Variants in GRAMD2A observed in about 807,000 individuals in gnomAD.
GRAMD2A encodes the protein GRAM domain containing 2A, also known as GRAM domain-containing protein 2A.
GRAMD2A carries 37 observed loss-of-function variants against 51.1 expected under a neutral mutation model. The ratio of observed to expected loss-of-function variants is 0.72; its 90% CI spans 0.56 to 0.95. The LOEUF is 0.95. Ranked by LOEUF, GRAMD2A falls within the 40% of genes least tolerant of loss-of-function variation. The pLI is 0.00. For missense variants in GRAMD2A, 414 were observed against 426.9 expected (o/e 0.97, Z 0.27); for synonymous variants, 136 against 157.1 (o/e 0.87, Z 1.01).
chr15:72,181,527 G>C (rs2081697286), intron 1 of GRAMD2A, among the ~76,000 whole-genome samples: 1 of 152,226 alleles, frequency 6.6e-6, no homozygotes, highest in Admixed American at 6.5e-5. Context: ...GCTCAGCAGA[G>C]AGATGATGTC....
Position 72,160,494 on chromosome 15 carries a change from A to G in GRAMD2A, c.*1515T>C, listed in dbSNP as rs1020691859. ...AGACCACTTACTGGTAGTCCCTCCA[A>G]TTCTCATTTGGGTTTGTCATAAACA... is the stretch of plus-strand genomic sequence containing the variant. On this transcript the variant is annotated 3_prime_UTR_variant, in exon 12 of 12. Transcript: ENST00000309731. 1.3e-5 allele frequency: 2 copies of G among 152,160 alleles called. No homozygotes were observed. Among genetic ancestry groups the G allele is most frequent in the Admixed American group, 6.6e-5 (1 of 15,256 alleles). The allele number at this position is 152,160 out of a possible 1,614,324, so 9.4% of individuals were successfully genotyped here.
intron 5 of GRAMD2A, 60 bp downstream of exon 5, chr15:72,167,676 G>C (rs564435195): frequency 7.7e-7 from 1 of 1,296,962 alleles, no homozygotes; most frequent in African/African-American, 1.5e-5. Flanking sequence ...AGGCATGCCC[G>C]TGGGGCAGGA....
rs116985131 is a variant in GRAMD2A at position 72,169,855 on chromosome 15, C to T, written c.126G>A (p.Pro42=). The T allele has an allele frequency of 1.2e-3, 1,915 of 1,612,070 alleles. 42 individuals carry two copies. The East Asian group carries it at 0.038, about 32-fold the overall frequency. ...KEKPDRVEEP[P]DYSLHWPEGL... ...GGGAAAGGGGTCCTCACCTGTAGTC[C>T]GGGGGCTCCTCAACTCTGTCTGGTT... Residue 42 remains proline (P), a synonymous_variant, in exon 2 of 12, where the codon CCG becomes CCA. Coordinates refer to ENST00000309731, the MANE Select transcript of GRAMD2A (RefSeq NM_001012642.3).
At chr15:72,195,400 A>T (rs1459092365) in intron 1 of GRAMD2A, among the ~76,000 whole-genome samples, 1 of 152,204 alleles carries the variant, frequency 6.6e-6, no homozygotes. Context: ...GGTCCGTGGC[A>T]GGCAAGGACC....
chr15:72,164,386 GA>G (rs1259430618), intron 8 of GRAMD2A, among the ~76,000 whole-genome samples: 2 of 150,594 alleles, frequency 1.3e-5, no homozygotes, highest in African/African-American at 2.4e-5. Context: ...ATAGTCTTTG[GA>G]GTTCTTCCCT....
At chr15:72,162,647 G>T in intron 10 of GRAMD2A, 2 of 353,488 alleles carry the variant, frequency 5.7e-6, no homozygotes, top group Non-Finnish European at 1.0e-5. Flanking sequence ...CAGACAGCCA[G>T]ATCAGTCATC....
chr15:72,166,615 G>T lies in GRAMD2A; in HGVS notation c.543+17C>A. 1 of 1,607,038 alleles carries T rather than the reference G, an allele frequency of 6.2e-7. No individual in the cohort carries two copies. Among genetic ancestry groups the T allele is most frequent in the South Asian group, 1.1e-5 (1 of 90,936 alleles). ...CCTGAGCGACTTCCCTGGCCTTCCTGCTCCCAAGCTCCATACCTGTAGGTG... is the reference window on the plus strand; with the variant it reads ...CCTGAGCGACTTCCCTGGCCTTCCTTCTCCCAAGCTCCATACCTGTAGGTG... On this transcript the variant is annotated intron_variant, in intron 7 of 11. Coordinates refer to ENST00000309731, the MANE Select transcript of GRAMD2A (RefSeq NM_001012642.3). The surrounding 1 kb of genome is among the most constrained non-coding windows in gnomAD (Gnocchi z 4.1).
In GRAMD2A at chr15:72,166,059, G is replaced by C. The variant is rs868361057; in HGVS notation, c.543+573C>G. On this transcript the variant is annotated intron_variant, in intron 7 of 11. Transcript: ENST00000309731. The surrounding 1 kb of genome is among the most constrained non-coding windows in gnomAD (Gnocchi z 4.1). Reference sequence around the variant, plus strand: ...AATTTTTGTATTTTTAGTAAAGACAGGGTTTCACTACGTTGGCCAGGCTGG... The same window carrying C: ...AATTTTTGTATTTTTAGTAAAGACACGGTTTCACTACGTTGGCCAGGCTGG... Among the ~76,000 whole-genome samples, 22 of 152,228 alleles carry C rather than the reference G, an allele frequency of 1.4e-4. No individual in the cohort carries two copies. Among genetic ancestry groups the C allele is most frequent in the African/African-American group, 5.1e-4 (21 of 41,524 alleles).
At chr15:72,192,527 G>A (rs1486249627) in intron 1 of GRAMD2A, among the ~76,000 whole-genome samples, 1 of 152,092 alleles carries the variant, frequency 6.6e-6, no homozygotes, top group Non-Finnish European at 1.5e-5. Flanking sequence ...CTACAGAAGA[G>A]AGAAAAAAAA....
chr15:72,177,770 G>A (rs1475162091), intron 1 of GRAMD2A, among the ~76,000 whole-genome samples: 4 of 152,136 alleles, frequency 2.6e-5, no homozygotes, highest in African/African-American at 4.8e-5. Context: ...CTCTTTCACC[G>A]AGGTTGGAGG....
intron 2 of GRAMD2A, 33 bp downstream of exon 2, chr15:72,169,814 G>C (rs2081590325): frequency 6.6e-7 from 1 of 1,526,412 alleles, no homozygotes; most frequent in Non-Finnish European, 9.1e-7. Flanking sequence ...CCTCTAGTCT[G>C]TGTGTATCTA....
intron 8 of GRAMD2A, 134 bp from the exon 9 acceptor site, chr15:72,163,891 G>A: frequency 1.1e-6 from 1 of 907,452 alleles, no homozygotes; most frequent in East Asian, 2.7e-5. Context: ...ATGGAAGCAG[G>A]TACAAGCGAG....
chr15:72,180,651 C>T (rs1327423380), intron 1 of GRAMD2A, among the ~76,000 whole-genome samples: 1 of 152,210 alleles, frequency 6.6e-6, no homozygotes, highest in Non-Finnish European at 1.5e-5. Context: ...TCAGGCTCTT[C>T]TCAGGACCAC....
At chr15:72,197,673 GC>G in intron 1 of GRAMD2A, 57 bp downstream of exon 1, 1 of 1,243,152 alleles carries the variant, frequency 8.0e-7, no homozygotes, top group Non-Finnish European at 1.0e-6. Context: ...CGCGGCAGCA[GC>G]CCCTCGCGGC....
chr15:72,164,765 G>A (rs1025660652), intron 8 of GRAMD2A, among the ~76,000 whole-genome samples: 5 of 152,156 alleles, frequency 3.3e-5, no homozygotes, highest in Admixed American at 1.3e-4. Flanking sequence ...AAGAGGATGG[G>A]CCACTGGTCC....
chr15:72,169,675 G>A, intron 2 of GRAMD2A, 172 bp downstream of exon 2: 1 of 698,952 alleles, frequency 1.4e-6, no homozygotes, highest in Non-Finnish European at 2.6e-6. Context: ...CCAGTGCACT[G>A]GGACAGTCTT....
rs1458126963 is a variant in GRAMD2A at position 72,167,793 on chromosome 15, G to A, written c.315C>T (p.Leu105=). The part of the protein sequence containing the change: ...LQRDFLLQGR[L]YISPNWLCFH... ...AGCAGAGCCAGTTGGGGGAGATGTAGAGCCGGCCCTGGAGGAGGAAGTCCC... is the reference window on the plus strand; with the variant it reads ...AGCAGAGCCAGTTGGGGGAGATGTAAAGCCGGCCCTGGAGGAGGAAGTCCC... Residue 105 remains leucine (L), a synonymous_variant, in exon 5 of 12, where the codon CTC becomes CTT. Coordinates refer to ENST00000309731, the MANE Select transcript of GRAMD2A (RefSeq NM_001012642.3). 3.1e-6 allele frequency: 5 copies of A among 1,614,002 alleles called. No homozygotes were observed. The South Asian group carries it at 4.4e-5, about 14-fold the overall frequency.
rs1274536848 is a variant in GRAMD2A at position 72,182,386 on chromosome 15, C to G, written c.42-12447G>C. Among the ~76,000 whole-genome samples, 101 of 122,818 alleles carry G rather than the reference C, an allele frequency of 8.2e-4. 1 individual carries two copies. Among genetic ancestry groups the G allele is most frequent in the Middle Eastern group, 4.8e-3 (1 of 210 alleles). The allele number at this position is 122,818 out of a possible 152,430, so 80.6% of individuals were successfully genotyped here. A position where few individuals can be genotyped will look rare whatever the true frequency, so the allele number is the denominator to read the frequency against. ...TCAAAAAAAAAAAAAAAAAAAAAAA[C>G]CCAAAATTTGCTAAAACTATGAAAC... On this transcript the variant is annotated intron_variant, in intron 1 of 11. Transcript: ENST00000309731.
At chr15:72,196,331 C>T (rs1402921625) in intron 1 of GRAMD2A, among the ~76,000 whole-genome samples, 1 of 152,014 alleles carries the variant, frequency 6.6e-6, no homozygotes, top group African/African-American at 2.4e-5. Context: ...GCCTGGCCAA[C>T]ATGGTGAAAC....
Sources: allele counts gnomAD v4.1 joint callset (sites outside exome capture counted in the v4.1 genomes callset), GRCh38; gene constraint gnomAD v4.1.1; non-coding constraint Gnocchi (gnomAD v3.1); transcripts MANE v1.5; gene names NCBI Gene and HGNC (gene_info 2026-07-23, HGNC 2026-07-21).